MARK1: variants seen among roughly 807,000 people sequenced by gnomAD.
MARK1 encodes serine/threonine-protein kinase MARK1.
Under a neutral mutation model 96.3 loss-of-function variants are expected in MARK1, and 40 were observed. The ratio of observed to expected loss-of-function variants is 0.42; its 90% CI spans 0.32 to 0.54. The LOEUF (loss-of-function observed/expected upper bound fraction) is 0.54, where lower values mean the gene tolerates loss of function less well. Among genes scored for constraint, MARK1 ranks in the 20% least tolerant of loss-of-function variants. The pLI is 0.16. For missense variants in MARK1, 719 were observed against 984.6 expected (o/e 0.73, Z 3.61); for synonymous variants, 317 against 341.2 (o/e 0.93, Z 0.78).
At chr1:220,651,946 CT>C in intron 14 of MARK1, 39 bp from the exon 15 acceptor site, 2 of 1,452,798 alleles carry the variant, frequency 1.4e-6, no homozygotes, top group South Asian at 1.6e-5. Flanking sequence ...AAATTTTCCT[CT>C]TTTTTTCCAT....
chr1:220,584,237 GTTATA>G (rs1265348548), intron 3 of MARK1, among the ~76,000 whole-genome samples: 2 of 152,036 alleles, frequency 1.3e-5, no homozygotes, highest in Non-Finnish European at 2.9e-5. Flanking sequence ...GTTTTACTGT[GTTATA>G]TTATGTTGCA....
At chr1:220,612,382 G>A (rs1026717408) in intron 6 of MARK1, among the ~76,000 whole-genome samples, 3 of 152,122 alleles carry the variant, frequency 2.0e-5, no homozygotes, top group African/African-American at 7.2e-5. Context: ...TTTAAATAAA[G>A]TCTGTAATAT....
chr1:220,579,609 G>GT, intron 2 of MARK1, 52 bp downstream of exon 2: 2 of 1,456,156 alleles, frequency 1.4e-6, no homozygotes, highest in Non-Finnish European at 1.9e-6. Flanking sequence ...CTGGAGTCTT[G>GT]TTAAAGCTTC....
At chr1:220,585,002 G>A (rs1296764354) in intron 3 of MARK1, among the ~76,000 whole-genome samples, 3 of 152,136 alleles carry the variant, frequency 2.0e-5, no homozygotes, top group African/African-American at 7.2e-5. Flanking sequence ...CAGTTCTTAC[G>A]TGGGCCAACA....
At position 220,631,060 on chromosome 1, in the gene MARK1, A is replaced by T. The variant is rs199815541; in HGVS notation, c.935A>T (p.Asn312Ile). ...CAAATAATGAAAGATCGATGGATGA[A>T]TGTTGGTCATGAAGAGGAAGAACTA... ...LEQIMKDRWMNVGHEEEELKP... is the reference protein window; with the variant it reads ...LEQIMKDRWMIVGHEEEELKP... The change falls in exon 10 of 18, where the codon AAT (asparagine) becomes ATT (isoleucine). Residue 312 changes from asparagine (N) to isoleucine (I), a missense_variant. By Grantham distance (149) the Asn-to-Ile change is moderately radical. Around this residue, in one of 4 missense-constraint regions of MARK1, gnomAD observed 501 missense variants for 588.3 expected, o/e 0.85. Transcript: ENST00000366917. The T allele has an allele frequency of 6.2e-7, 1 of 1,612,586 alleles. No homozygotes were observed. Among genetic ancestry groups the T allele is most frequent in the Non-Finnish European group, 8.5e-7 (1 of 1,178,850 alleles).
At chr1:220,612,771 T>A (rs1026395103) in intron 6 of MARK1, among the ~76,000 whole-genome samples, 5 of 152,236 alleles carry the variant, frequency 3.3e-5, no homozygotes, top group African/African-American at 1.2e-4. Context: ...AGTGAAAGAA[T>A]GTATGTATTA....
chr1:220,558,780 A>G (rs1316083021), intron 1 of MARK1, among the ~76,000 whole-genome samples: 1 of 152,138 alleles, frequency 6.6e-6, no homozygotes, highest in East Asian at 1.9e-4. Flanking sequence ...TATAGAAATA[A>G]GAATAAGCAA....
chr1:220,558,353 G>A (rs1345075741), intron 1 of MARK1, among the ~76,000 whole-genome samples: 1 of 151,346 alleles, frequency 6.6e-6, no homozygotes, highest in Non-Finnish European at 1.5e-5. Flanking sequence ...TTGAAGAAAA[G>A]TAAATCCAGT....
intron 1 of MARK1, among the ~76,000 whole-genome samples, chr1:220,564,029 G>T (rs1558261681): frequency 6.6e-6 from 1 of 152,148 alleles, no homozygotes; most frequent in East Asian, 1.9e-4. Context: ...GAAAAGAGAA[G>T]AGTTGCCAGG....
rs192475508 is a variant in MARK1, at chr1:220,633,376, G to T, written c.1122+1063G>T. On this transcript the variant is annotated intron_variant, in intron 11 of 17. Transcript: ENST00000366917. ...ACAATTTATTGGAAGTTAGACATCT[G>T]TGGGAGGTATTTTAGAGAGAAAAAG... is the stretch of plus-strand genomic sequence containing the variant. 4.0e-5 allele frequency among the ~76,000 whole-genome samples: 6 copies of T among 151,690 alleles called. No homozygotes were observed. The East Asian group carries it at 1.2e-3, about 29-fold the overall frequency.
chr1:220,556,593 A>T (rs1662281427), intron 1 of MARK1, among the ~76,000 whole-genome samples: 1 of 152,052 alleles, frequency 6.6e-6, no homozygotes, highest in Non-Finnish European at 1.5e-5. Flanking sequence ...AAGAACTGGA[A>T]ATAATGCGAC....
chr1:220,599,946 GTCT>G, intron 5 of MARK1, 83 bp downstream of exon 5: 1 of 793,278 alleles, frequency 1.3e-6, no homozygotes, highest in Non-Finnish European at 2.0e-6. Flanking sequence ...TGACATTTAT[GTCT>G]TCAGTGTTAA....
intron 3 of MARK1, among the ~76,000 whole-genome samples, chr1:220,589,476 C>T (rs1055014060): frequency 2.6e-5 from 4 of 152,148 alleles, no homozygotes; most frequent in Admixed American, 2.6e-4. Context: ...CCAGGAAAGA[C>T]CCAATTGAAA....
At chr1:220,549,595 G>A (rs1169441398) in intron 1 of MARK1, among the ~76,000 whole-genome samples, 1 of 152,198 alleles carries the variant, frequency 6.6e-6, no homozygotes, top group Non-Finnish European at 1.5e-5. Context: ...GTGTAAGAGG[G>A]CCACTGTGAA....
chr1:220,544,281 A>G (rs1206155956), intron 1 of MARK1, among the ~76,000 whole-genome samples: 2 of 152,158 alleles, frequency 1.3e-5, no homozygotes, highest in East Asian at 1.9e-4. Context: ...GTGTGTTGGA[A>G]ACTTAATACC....
chr1:220,642,504 T>C (rs1466082800), intron 13 of MARK1, among the ~76,000 whole-genome samples: 1 of 152,116 alleles, frequency 6.6e-6, no homozygotes, highest in Non-Finnish European at 1.5e-5. Flanking sequence ...ACAGAGCACC[T>C]GGGGGGAGGG....
Position 220,664,215 on chromosome 1 carries a change from A to G in MARK1, c.*2049A>G, listed in dbSNP as rs1013032042. 1 of 152,212 alleles carries G rather than the reference A, an allele frequency of 6.6e-6. No homozygotes were observed. Among genetic ancestry groups the G allele is most frequent in the Admixed American group, 6.5e-5 (1 of 15,278 alleles). 9.4% of individuals were successfully genotyped at this position (152,212 alleles called of 1,614,324 possible). A position where few individuals can be genotyped will look rare whatever the true frequency, so the allele number is the denominator to read the frequency against. ...GGCCAACTCTTCTGTGTTTGTAGAAAGGAATTTGACTTCAATATCTTTTAT... is the reference window on the plus strand; with the variant it reads ...GGCCAACTCTTCTGTGTTTGTAGAAGGGAATTTGACTTCAATATCTTTTAT... On this transcript the variant is annotated 3_prime_UTR_variant, in exon 18 of 18. Transcript: ENST00000366917.
intron 7 of MARK1, among the ~76,000 whole-genome samples, chr1:220,616,463 T>C (rs1004295340): frequency 2.0e-5 from 3 of 152,228 alleles, no homozygotes; most frequent in Admixed American, 6.5e-5. Flanking sequence ...AATGTGTAGT[T>C]AGTCAATAAA....
intron 16 of MARK1, 110 bp from the exon 17 acceptor site, chr1:220,657,680 C>A: frequency 1.5e-6 from 1 of 681,038 alleles, no homozygotes; most frequent in Non-Finnish European, 2.4e-6. Flanking sequence ...AGAAAACTGT[C>A]ATGGTAGAAG....
Sources: allele counts gnomAD v4.1 joint callset (sites outside exome capture counted in the v4.1 genomes callset), GRCh38; gene constraint gnomAD v4.1.1; regional missense constraint gnomAD v4.1.1; transcripts MANE v1.5; gene names NCBI Gene and HGNC (gene_info 2026-07-23, HGNC 2026-07-21).